The following CFAP54 variants were observed in gnomAD, a reference collection of about 807,000 sequenced individuals.
CFAP54 encodes cilia- and flagella-associated protein 54.
In CFAP54, 290 loss-of-function variants were observed where a neutral mutation model predicts 370.4. The ratio of observed to expected loss-of-function variants is 0.78; its 90% CI spans 0.71 to 0.86. CFAP54 has a LOEUF of 0.86. Ranked by LOEUF, CFAP54 falls within the 40% of genes least tolerant of loss-of-function variation. The pLI is 0.00. For synonymous variants in CFAP54, 1,206 were observed against 1,236.5 expected (o/e 0.98, Z 0.52); for missense variants, 3,399 against 3,528.7 (o/e 0.96, Z 0.93).
chr12:96,698,841 G>C (rs1212796892), intron 45 of CFAP54, among the ~76,000 whole-genome samples: 4 of 152,216 alleles, frequency 2.6e-5, no homozygotes, highest in African/African-American at 9.6e-5. Flanking sequence ...AACAAGAAAA[G>C]AATGAAAGCA....
chr12:96,499,838 C>G (rs552309034), intron 1 of CFAP54, among the ~76,000 whole-genome samples: 1 of 151,990 alleles, frequency 6.6e-6, no homozygotes, highest in South Asian at 2.1e-4. Flanking sequence ...CCCAGCTACT[C>G]GGGAGGCTGA....
At chr12:96,713,669 A>G (rs1957638815) in intron 48 of CFAP54, among the ~76,000 whole-genome samples, 2 of 152,200 alleles carry the variant, frequency 1.3e-5, no homozygotes, top group Admixed American at 1.3e-4. Context: ...TTTGGAAAGC[A>G]GGAAAGGGGG....
intron 24 of CFAP54, 88 bp from the exon 25 acceptor site, chr12:96,594,203 A>G: frequency 1.1e-6 from 1 of 929,040 alleles, no homozygotes; most frequent in Non-Finnish European, 1.5e-6. Context: ...TTTAGCCAGA[A>G]GGATCACATT....
chr12:96,749,935 CT>C (rs1177898457), intron 55 of CFAP54, among the ~76,000 whole-genome samples: 1 of 152,132 alleles, frequency 6.6e-6, no homozygotes, highest in Non-Finnish European at 1.5e-5. Context: ...TTAAGAATAG[CT>C]AGTTCTGCCT....
Position 96,573,645 on chromosome 12 carries a change from T to A in CFAP54, c.2620-2940T>A, listed in dbSNP as rs146766962. Reference sequence around the variant, plus strand: ...GACCCTTTTGTCCATCCATTTGTTATAATTTTTAAAAATTAGTTTGGTTGA... The same window carrying A: ...GACCCTTTTGTCCATCCATTTGTTAAAATTTTTAAAAATTAGTTTGGTTGA... On this transcript the variant is annotated intron_variant, in intron 19 of 67. Coordinates refer to ENST00000524981, the MANE Select transcript of CFAP54 (RefSeq NM_001306084.2). Among the ~76,000 whole-genome samples the A allele has an allele frequency of 5.0e-3, 764 of 152,330 alleles. 2 individuals are homozygous for A. The highest frequency in any genetic ancestry group is 0.01 in the Middle Eastern group (3 of 294).
intron 63 of CFAP54, among the ~76,000 whole-genome samples, chr12:96,801,032 T>G (rs1044800408): frequency 2.6e-5 from 4 of 152,198 alleles, no homozygotes; most frequent in African/African-American, 9.6e-5. Flanking sequence ...CTTTGGAGTT[T>G]TCAGGGACAA....
intron 67 of CFAP54, among the ~76,000 whole-genome samples, chr12:96,874,647 T>TTTTTTTG: frequency 9.5e-6 from 1 of 105,076 alleles, no homozygotes; most frequent in African/African-American, 3.6e-5. Flanking sequence ...TTTTTTTTTT[T>TTTTTTTG]GAGACGGAGT....
In CFAP54 at chr12:96,848,590, G is replaced by T. The variant is rs1453584979; in HGVS notation, c.9172-12229G>T. Reference sequence around the variant, plus strand: ...CATGTGCCTGTAGTCCCAGCTGCTTGGGAGGTTGTGGCAGGAAGAATCACT... The same window carrying T: ...CATGTGCCTGTAGTCCCAGCTGCTTTGGAGGTTGTGGCAGGAAGAATCACT... On this transcript the variant is annotated intron_variant, in intron 66 of 67. Coordinates refer to ENST00000524981, the MANE Select transcript of CFAP54 (RefSeq NM_001306084.2). Among the ~76,000 whole-genome samples, 3 of 152,162 alleles carry T rather than the reference G, an allele frequency of 2.0e-5. No individual in the cohort carries two copies. In the East Asian group the frequency reaches 5.8e-4, roughly 30 times the overall value.
chr12:96,766,723 A>G (rs1033288652), intron 60 of CFAP54, among the ~76,000 whole-genome samples: 2 of 152,166 alleles, frequency 1.3e-5, no homozygotes, highest in African/African-American at 4.8e-5. Context: ...GAAACTTCCA[A>G]TATGGCTATT....
intron 32 of CFAP54, among the ~76,000 whole-genome samples, chr12:96,641,909 C>T (rs1459547234): frequency 6.9e-6 from 1 of 145,816 alleles, no homozygotes; most frequent in African/African-American, 2.5e-5. Context: ...AGGGGAACAT[C>T]ACACACCGGG....
chr12:96,494,914 A>G (rs1300305027), intron 1 of CFAP54, among the ~76,000 whole-genome samples: 1 of 151,900 alleles, frequency 6.6e-6, no homozygotes. Context: ...TTTAGTAGAG[A>G]CGGAGTTTCA....
intron 33 of CFAP54, chr12:96,646,370 G>GA (rs1441273151): frequency 6.6e-6 from 1 of 152,202 alleles, no homozygotes; most frequent in Non-Finnish European, 1.5e-5. Context: ...CTGGCCATCA[G>GA]AAAAATGCAA....
At chr12:96,861,023 A>G in intron 67 of CFAP54, 71 bp downstream of exon 67, 1 of 1,145,808 alleles carries the variant, frequency 8.7e-7, no homozygotes. Context: ...CGGTCCTCTT[A>G]TAACAACAAA....
At chr12:96,615,925 C>T (rs1281990146) in intron 26 of CFAP54, among the ~76,000 whole-genome samples, 4 of 152,200 alleles carry the variant, frequency 2.6e-5, no homozygotes, top group Admixed American at 6.5e-5. Flanking sequence ...GGACTGTAAA[C>T]TAGTTCAACC....
intron 28 of CFAP54, among the ~76,000 whole-genome samples, chr12:96,625,472 T>C (rs1218573601): frequency 6.6e-6 from 1 of 152,226 alleles, no homozygotes; most frequent in Non-Finnish European, 1.5e-5. Flanking sequence ...CCTTGGAAAC[T>C]CTTTACCTAT....
Position 96,700,039 on chromosome 12 carries a change from A to G in CFAP54, c.6420A>G (p.Gly2140=). 6.2e-7 allele frequency: 1 copy of G among 1,610,158 alleles called. No individual in the cohort carries two copies. Among genetic ancestry groups the G allele is most frequent in the South Asian group, 1.1e-5 (1 of 90,174 alleles). ...ATGAGATATCCCAAATTTTCTATGG[A>G]AAAAACATGCCTTGTCCAATACCTG... The part of the protein sequence containing the change: ...AFYEISQIFY[G]KNMPCPIPAG... Residue 2140 remains glycine (G), a synonymous_variant, in exon 46 of 68, where the codon GGA becomes GGG. Coordinates refer to ENST00000524981, the MANE Select transcript of CFAP54 (RefSeq NM_001306084.2).
rs149249815 is a variant in CFAP54, at chr12:96,720,463, A to G, written c.6863A>G (p.Gln2288Arg). The G allele has an allele frequency of 3.7e-6, 6 of 1,604,644 alleles. No homozygotes were observed. Among genetic ancestry groups the G allele is most frequent in the Non-Finnish European group, 2.6e-6 (3 of 1,175,154 alleles). Reference protein sequence around the residue: ...RLNFLLSEVEQKTLSQCSAGE... With the variant: ...RLNFLLSEVERKTLSQCSAGE... ...AACTTCCTTCTGTCCGAGGTGGAACAGAAGACCCTGTCTCAGTGCTCCGCT... is the reference window on the plus strand; with the variant it reads ...AACTTCCTTCTGTCCGAGGTGGAACGGAAGACCCTGTCTCAGTGCTCCGCT... Residue 2288 changes from glutamine to arginine, a missense_variant, in exon 50 of 68, where the codon CAG becomes CGG. Coordinates refer to ENST00000524981, the MANE Select transcript of CFAP54 (RefSeq NM_001306084.2).
chr12:96,648,440 T>C (rs1045209611), intron 34 of CFAP54, among the ~76,000 whole-genome samples: 6 of 152,104 alleles, frequency 3.9e-5, no homozygotes, highest in Non-Finnish European at 8.8e-5. Context: ...GCTGATTTTG[T>C]ATTCAGGGGA....
chr12:96,540,694 G>A (rs896002873), intron 13 of CFAP54, 143 bp from the exon 14 acceptor site: 17 of 421,252 alleles, frequency 4.0e-5, no homozygotes, highest in African/African-American at 1.6e-4. Flanking sequence ...TAATTAAGGC[G>A]TTAATAAGGA....
Sources: allele counts gnomAD v4.1 joint callset (sites outside exome capture counted in the v4.1 genomes callset), GRCh38; gene constraint gnomAD v4.1.1; transcripts MANE v1.5; gene names NCBI Gene and HGNC (gene_info 2026-07-23, HGNC 2026-07-21).